Variants in ZNF362 observed in about 807,000 individuals in gnomAD.
ZNF362 encodes rotund homolog.
ZNF362 carries 11 observed loss-of-function variants against 42.9 expected under a neutral mutation model. The observed-to-expected ratio is 0.26, with a 90% confidence interval of 0.16 to 0.42. ZNF362 has a LOEUF of 0.42. Ranked by LOEUF, ZNF362 falls within the 20% of genes least tolerant of loss-of-function variation. ZNF362 has a pLI of 1.00. For synonymous variants in ZNF362, 255 were observed against 257.3 expected, an observed-to-expected ratio of 0.99 and a Z score of 0.09; for missense variants, 362 against 576.2, an observed-to-expected ratio of 0.63 and a Z score of 3.81.
chr1:33,189,746 T>TAC, the ZNF362 span, among the ~76,000 whole-genome samples: 1 of 142,542 alleles, frequency 7.0e-6, no homozygotes, highest in Non-Finnish European at 1.5e-5. Flanking sequence ...TATATATATA[T>TAC]ACACATACTG....
intron 2 of ZNF362, among the ~76,000 whole-genome samples, chr1:33,273,348 G>T (rs1645919650): frequency 6.6e-6 from 1 of 152,042 alleles, no homozygotes; most frequent in Non-Finnish European, 1.5e-5. Context: ...GTGATCTGGG[G>T]CCCATCTAGG....
At chr1:33,149,168 T>C in the ZNF362 span, among the ~76,000 whole-genome samples, 1 of 152,352 alleles carries the variant, frequency 6.6e-6, no homozygotes, top group African/African-American at 2.4e-5. Context: ...TATTTATTTA[T>C]TGGAGACAGA....
chr1:33,268,323 A>G (rs1169737072), intron 1 of ZNF362, among the ~76,000 whole-genome samples: 1 of 152,216 alleles, frequency 6.6e-6, no homozygotes, highest in East Asian at 1.9e-4. Context: ...CATCCAGGCC[A>G]CAGCCCTTTC....
chr1:33,218,953 ACACACAC>A, the ZNF362 span, among the ~76,000 whole-genome samples: 1 of 148,846 alleles, frequency 6.7e-6, no homozygotes, highest in Non-Finnish European at 1.5e-5. Context: ...ACACACACAC[ACACACAC>A]ACACACACAC....
rs1480050858 is a variant in ZNF362 at position 33,281,526 on chromosome 1, C to A, written c.684-61C>A. 5 of 1,537,512 alleles carry A rather than the reference C, an allele frequency of 3.3e-6. No individual in the cohort carries two copies. Among genetic ancestry groups the A allele is most frequent in the Admixed American group, 1.7e-5 (1 of 59,124 alleles). ...TGCAAGGTCTCTCTGATGTAGAAGG[C>A]CTCCCCTGAGATGGACAGTCTGGGG... On this transcript the variant is annotated intron_variant, in intron 5 of 8. Coordinates refer to ENST00000539719, the MANE Select transcript of ZNF362 (RefSeq NM_152493.3). The surrounding 1 kb of genome is among the most constrained non-coding windows in gnomAD (Gnocchi z 4.8).
chr1:33,258,722 C>A, intron 1 of ZNF362, among the ~76,000 whole-genome samples: 1 of 152,152 alleles, frequency 6.6e-6, no homozygotes, highest in East Asian at 1.9e-4. Context: ...TCCCTTCACC[C>A]CCTCCTACCC....
the ZNF362 span, among the ~76,000 whole-genome samples, chr1:33,226,481 G>A: frequency 6.6e-6 from 1 of 152,184 alleles, no homozygotes; most frequent in African/African-American, 2.4e-5. Flanking sequence ...TAAACAAAAT[G>A]TGGTGTATTC....
chr1:33,181,346 GTAA>G, the ZNF362 span: 2 of 1,587,764 alleles, frequency 1.3e-6, no homozygotes, highest in Non-Finnish European at 1.7e-6. The surrounding 1 kb of genome is among the most constrained non-coding windows in gnomAD (Gnocchi z 6.5). Flanking sequence ...GGCGGCAGAA[GTAA>G]TGCTCGCAGC....
the ZNF362 span, among the ~76,000 whole-genome samples, chr1:33,155,821 G>T: frequency 6.6e-6 from 1 of 152,178 alleles, no homozygotes; most frequent in Non-Finnish European, 1.5e-5. Flanking sequence ...CCTTGGGGGG[G>T]ATCTGTGATT....
chr1:33,252,343 A>T (rs1279832451), upstream of ZNF362, among the ~76,000 whole-genome samples: 9 of 146,624 alleles, frequency 6.1e-5, no homozygotes, highest in Non-Finnish European at 1.3e-4. Flanking sequence ...CAAGAGTGAA[A>T]CTCCATCTCA....
At chr1:33,240,635 A>G in the ZNF362 span, among the ~76,000 whole-genome samples, 5 of 151,390 alleles carry the variant, frequency 3.3e-5, no homozygotes, top group Admixed American at 3.3e-4. Flanking sequence ...TGCAAAATGT[A>G]TTTGTTTGTT....
At chr1:33,279,697 C>T (rs1645976994) in intron 4 of ZNF362, among the ~76,000 whole-genome samples, 1 of 150,334 alleles carries the variant, frequency 6.7e-6, no homozygotes, top group African/African-American at 2.5e-5. Context: ...CATTTTGGCA[C>T]GTTCTTTCCT....
intron 1 of ZNF362, among the ~76,000 whole-genome samples, chr1:33,257,114 T>G (rs1249539872): frequency 6.6e-6 from 1 of 152,182 alleles, no homozygotes; most frequent in Non-Finnish European, 1.5e-5. Flanking sequence ...ATCTGCAGAA[T>G]ATGGCGTCCC....
At chr1:33,257,316 T>C (rs1308462915) in intron 1 of ZNF362, among the ~76,000 whole-genome samples, 1 of 149,682 alleles carries the variant, frequency 6.7e-6, no homozygotes, top group African/African-American at 2.5e-5. Context: ...AATTGCACTT[T>C]AAAGAAAAAA....
the ZNF362 span, among the ~76,000 whole-genome samples, chr1:33,136,113 CCCTTCCTTCCTT>C: frequency 0.018 from 1,899 of 103,562 alleles, 22 homozygotes; most frequent in Non-Finnish European, 0.021. Flanking sequence ...CAGGGGCCAG[CCCTTCCTTCCTT>C]CCTTCCTTCC....
At chr1:33,209,833 G>C in the ZNF362 span, among the ~76,000 whole-genome samples, 1 of 151,826 alleles carries the variant, frequency 6.6e-6, no homozygotes, top group East Asian at 1.9e-4. Flanking sequence ...TATTAGTCTT[G>C]CTAGTGGTCT....
rs770624060 is a variant in ZNF362, at chr1:33,281,739, G to A, written c.836G>A (p.Gly279Asp). 1 of 1,614,250 alleles carries A rather than the reference G, an allele frequency of 6.2e-7. No homozygotes were observed. The highest frequency in any genetic ancestry group is 1.1e-5 in the South Asian group (1 of 91,090). ...YLAQHLRIHL[G>D]VKPYHCSYCD... Reference sequence around the variant, plus strand: ...GCCCAGCACCTGCGCATCCACCTGGGCGTCAAGCCCTACCACTGCTCCTAC... The same window carrying A: ...GCCCAGCACCTGCGCATCCACCTGGACGTCAAGCCCTACCACTGCTCCTAC... The change falls in exon 6 of 9, where the codon GGC (glycine) becomes GAC (aspartate). Residue 279 changes from glycine (G) to aspartate (D), a missense_variant. Around this residue, in one of 3 missense-constraint regions of ZNF362, gnomAD observed 28 missense variants for 103.4 expected, o/e 0.27. Transcript: ENST00000539719. The surrounding 1 kb of genome is among the most constrained non-coding windows in gnomAD (Gnocchi z 4.8).
chr1:33,269,639 C>T (rs1239100174), intron 1 of ZNF362, among the ~76,000 whole-genome samples: 3 of 152,124 alleles, frequency 2.0e-5, no homozygotes, highest in Non-Finnish European at 4.4e-5. Flanking sequence ...TGGGCTCAAG[C>T]GATTCTCCTG....
At chr1:33,214,454 T>G in the ZNF362 span, among the ~76,000 whole-genome samples, 6 of 152,204 alleles carry the variant, frequency 3.9e-5, no homozygotes, top group African/African-American at 1.4e-4. Flanking sequence ...TCTCAAATAA[T>G]ACCTCAAAGG....
Sources: allele counts gnomAD v4.1 joint callset (sites outside exome capture counted in the v4.1 genomes callset), GRCh38; gene constraint gnomAD v4.1.1; regional missense constraint gnomAD v4.1.1; non-coding constraint Gnocchi (gnomAD v3.1); transcripts MANE v1.5; gene names NCBI Gene and HGNC (gene_info 2026-07-23, HGNC 2026-07-21).